Variants in TRIP4 observed in about 807,000 individuals in gnomAD.
TRIP4 encodes the protein activating signal cointegrator 1.
Under a neutral mutation model 81.8 loss-of-function variants are expected in TRIP4, and 54 were observed. That is an observed-to-expected ratio of 0.66 (90% CI 0.53 to 0.83). The LOEUF (loss-of-function observed/expected upper bound fraction) is 0.83. Ranked by LOEUF, TRIP4 falls within the 40% of genes least tolerant of loss-of-function variation. TRIP4 has a pLI of 0.00. For synonymous variants in TRIP4, 270 were observed against 242.8 expected (o/e 1.11, Z -1.04); for missense variants, 662 against 683.6 (o/e 0.97, Z 0.35).
In TRIP4 at chr15:64,438,979, C is replaced by A. The variant is rs914967113; in HGVS notation, c.1576-6027C>A. Among the ~76,000 whole-genome samples, 9 of 152,102 alleles carry A rather than the reference C, an allele frequency of 5.9e-5. 1 individual carries two copies. Among genetic ancestry groups the A allele is most frequent in the East Asian group, 5.8e-4 (3 of 5,202 alleles). On this transcript the variant is annotated intron_variant, in intron 11 of 12. Coordinates refer to ENST00000261884, the MANE Select transcript of TRIP4 (RefSeq NM_016213.5). The stretch of plus-strand genomic sequence containing the variant: ...GTCTCTGTAGCATTGAGCTGGAAGC[C>A]CCTGTCTTAGATACTAGGCATGTGA...
intron 6 of TRIP4, among the ~76,000 whole-genome samples, chr15:64,408,928 T>A (rs555831122): frequency 6.6e-6 from 1 of 152,096 alleles, no homozygotes; most frequent in South Asian, 2.1e-4. Context: ...TAAGAGTAAA[T>A]AGTTGGCCAG....
At chr15:64,445,812 G>A (rs868384103) in intron 12 of TRIP4, among the ~76,000 whole-genome samples, 4 of 152,058 alleles carry the variant, frequency 2.6e-5, no homozygotes, top group Middle Eastern at 6.8e-3. Flanking sequence ...CACAATTACC[G>A]GCATAGTAAG....
chr15:64,429,008 T>C (rs978438198), intron 11 of TRIP4, among the ~76,000 whole-genome samples: 2 of 152,058 alleles, frequency 1.3e-5, no homozygotes, highest in Non-Finnish European at 2.9e-5. Context: ...AAAGAGTTTA[T>C]CAGTTTTAAA....
chr15:64,437,814 T>C (rs1892436995), intron 11 of TRIP4, among the ~76,000 whole-genome samples: 1 of 152,088 alleles, frequency 6.6e-6, no homozygotes, highest in Non-Finnish European at 1.5e-5. Flanking sequence ...TTTACGATTG[T>C]CCTGGCAGCT....
chr15:64,387,975 T>A lies in TRIP4; in HGVS notation c.101+11T>A. ...CGAGGAGATCATTCAGTGAGAACAG[T>A]TCGGGTCCAAGCGGGGAAGGAGCTC... On this transcript the variant is annotated intron_variant, in intron 1 of 12. Coordinates refer to ENST00000261884, the MANE Select transcript of TRIP4 (RefSeq NM_016213.5). 1 of 1,545,864 alleles carries A rather than the reference T, an allele frequency of 6.5e-7. No individual in the cohort carries two copies. Among genetic ancestry groups the A allele is most frequent in the East Asian group, 2.5e-5 (1 of 40,728 alleles).
At chr15:64,424,823 TG>T (rs1458816210) in intron 10 of TRIP4, among the ~76,000 whole-genome samples, 4 of 152,218 alleles carry the variant, frequency 2.6e-5, no homozygotes, top group Admixed American at 2.6e-4. Context: ...GTAACCAGAC[TG>T]GAGTGCAGTG....
At chr15:64,442,460 T>G (rs548221624) in intron 11 of TRIP4, among the ~76,000 whole-genome samples, 4 of 152,040 alleles carry the variant, frequency 2.6e-5, no homozygotes, top group Admixed American at 6.6e-5. Context: ...TAACGTTTTA[T>G]TTTTTGTAGA....
intron 12 of TRIP4, among the ~76,000 whole-genome samples, chr15:64,453,586 T>C (rs980186291): frequency 3.3e-5 from 5 of 152,230 alleles, no homozygotes; most frequent in Non-Finnish European, 7.3e-5. Flanking sequence ...TCCCTGGGAA[T>C]GCCCTATGCT....
Position 64,450,603 on chromosome 15 carries a change from T to C in TRIP4, c.1679-4394T>C, listed in dbSNP as rs144520640. 4.6e-5 allele frequency: 21 copies of C among 453,382 alleles called. No homozygotes were observed. In the East Asian group the frequency reaches 1.5e-3, roughly 32 times the overall value. 28.1% of individuals were successfully genotyped at this position (453,382 alleles called of 1,614,324 possible). On this transcript the variant is annotated intron_variant, in intron 12 of 12. Transcript: ENST00000261884. ...CAATCACTCTGTTAGACGTTAAGGA[T>C]ACAAAATGTCCATGATTGTAAGGAG... is the stretch of plus-strand genomic sequence containing the variant.
rs1023111897 is a variant in TRIP4, at chr15:64,390,659, G to A, written c.101+2695G>A. ...TAATCCTAGCACTTTAGGAGGCCAA[G>A]GCAGGTGGACCACCTGAGGTCAGGA... On this transcript the variant is annotated intron_variant, in intron 1 of 12. Coordinates refer to ENST00000261884, the MANE Select transcript of TRIP4 (RefSeq NM_016213.5). Among the ~76,000 whole-genome samples, 5 of 152,148 alleles carry A rather than the reference G, an allele frequency of 3.3e-5. No homozygotes were observed. In the East Asian group the frequency reaches 9.7e-4, roughly 29 times the overall value.
intron 1 of TRIP4, among the ~76,000 whole-genome samples, chr15:64,392,495 G>T (rs1428536365): frequency 2.6e-5 from 4 of 152,056 alleles, no homozygotes; most frequent in South Asian, 2.1e-4. Context: ...GGGGGTGTGT[G>T]TATGTGTGTG....
chr15:64,451,120 C>CTTTTTTTTTTTT (rs958806661), intron 12 of TRIP4: 1 of 158,292 alleles, frequency 6.3e-6, no homozygotes, highest in Non-Finnish European at 1.4e-5. Context: ...AAGCCCCCCA[C>CTTTTTTTTTTTT]TTTTTTTTTT....
intron 6 of TRIP4, among the ~76,000 whole-genome samples, chr15:64,407,364 T>C (rs1891651175): frequency 1.3e-5 from 2 of 152,086 alleles, no homozygotes; most frequent in Non-Finnish European, 2.9e-5. Flanking sequence ...CAGTAGAACG[T>C]ATTATTAGAA....
intron 12 of TRIP4, 115 bp downstream of exon 12, chr15:64,445,223 C>CAAT: frequency 9.0e-6 from 5 of 554,462 alleles, no homozygotes; most frequent in Non-Finnish European, 1.6e-5. Flanking sequence ...GTTGAGGTAA[C>CAAT]CCACTACCTT....
At chr15:64,394,148 A>G (rs576127472) in intron 2 of TRIP4, 33 bp downstream of exon 2, 30 of 1,538,192 alleles carry the variant, frequency 2.0e-5, no homozygotes, top group Admixed American at 8.2e-5. Context: ...ATGTTGAAAT[A>G]TTGGTAAGTG....
intron 12 of TRIP4, among the ~76,000 whole-genome samples, chr15:64,446,695 C>T (rs1892639722): frequency 6.6e-6 from 1 of 151,640 alleles, no homozygotes; most frequent in African/African-American, 2.4e-5. Flanking sequence ...AGCCACTGTA[C>T]CTGGCCTCAT....
Position 64,414,204 on chromosome 15 carries a change from C to T in TRIP4, c.1163C>T (p.Pro388Leu). Residue 388 changes from proline to leucine, a missense_variant, in exon 8 of 13, where the codon CCT becomes CTT. Physicochemically the swap from Pro to Leu is moderately conservative, Grantham distance 98. Transcript: ENST00000261884. ...VLVNPNMYQS[P>L]PQWVDHTGAA... ...GTAAATCCCAACATGTACCAGTCCCCTCCCCAGGTTAGTGGACCTTTGCTC... is the reference window on the plus strand; with the variant it reads ...GTAAATCCCAACATGTACCAGTCCCTTCCCCAGGTTAGTGGACCTTTGCTC... The T allele has an allele frequency of 1.2e-6, 2 of 1,614,022 alleles. No homozygotes were observed. Among genetic ancestry groups the T allele is most frequent in the South Asian group, 2.2e-5 (2 of 91,070 alleles).
intron 4 of TRIP4, 83 bp from the exon 5 acceptor site, chr15:64,400,660 A>T: frequency 9.7e-7 from 1 of 1,026,694 alleles, no homozygotes; most frequent in Non-Finnish European, 1.5e-6. Context: ...TCTAATGTGT[A>T]ATTTCAGGTT....
intron 4 of TRIP4, 113 bp downstream of exon 4, chr15:64,397,931 C>CA: frequency 4.2e-6 from 5 of 1,201,076 alleles, no homozygotes; most frequent in Non-Finnish European, 5.7e-6. Flanking sequence ...GACGGAGTCT[C>CA]ACTTTGTCGC....
Sources: gnomAD v4.1 joint callset for allele counts (sites outside exome capture counted in the v4.1 genomes callset) on GRCh38, gnomAD v4.1.1 for gene constraint, MANE v1.5 for transcripts, NCBI Gene and HGNC (gene_info 2026-07-23, HGNC 2026-07-21) for gene names.